The following GMPR variants were observed in gnomAD, a reference collection of about 807,000 sequenced individuals.
GMPR encodes the protein GMP reductase 1.
Under a neutral mutation model 38.4 loss-of-function variants are expected in GMPR, and 31 were observed. The observed-to-expected ratio is 0.81, with a 90% CI of 0.61 to 1.09. The LOEUF is 1.09. Among genes scored for constraint, GMPR ranks in the 50% least tolerant of loss-of-function variants. The pLI, the probability that GMPR is intolerant of heterozygous loss-of-function variation, is 0.00. For missense variants in GMPR, 468 were observed against 453.7 expected (o/e 1.03, Z -0.29); for synonymous variants, 162 against 173.3 (o/e 0.93, Z 0.51).
intron 4 of GMPR, among the ~76,000 whole-genome samples, chr6:16,265,814 C>G (rs530375465): frequency 6.6e-6 from 1 of 152,254 alleles, no homozygotes; most frequent in Non-Finnish European, 1.5e-5. Flanking sequence ...CTCCGGAACC[C>G]TTCCACGCCA....
chr6:16,282,772 A>G (rs72653740), intron 6 of GMPR, among the ~76,000 whole-genome samples: 12,261 of 148,596 alleles, frequency 0.083, 666 homozygotes, highest in East Asian at 0.15. Flanking sequence ...TTGTTTTTTC[A>G]TTGTCAGTAT....
At chr6:16,279,133 C>A (rs1302325054) in intron 6 of GMPR, among the ~76,000 whole-genome samples, 2 of 152,240 alleles carry the variant, frequency 1.3e-5, no homozygotes, top group African/African-American at 2.4e-5. Context: ...GATGTGCAGG[C>A]AGCTTTCAGA....
chr6:16,251,117 A>G (rs180961299), intron 3 of GMPR, among the ~76,000 whole-genome samples: 18 of 152,360 alleles, frequency 1.2e-4, no homozygotes, highest in Admixed American at 6.5e-4. Context: ...TATTCATAAT[A>G]GCCCAAAAGT....
chr6:16,277,905 G>A (rs1429267523), intron 5 of GMPR, among the ~76,000 whole-genome samples: 3 of 152,152 alleles, frequency 2.0e-5, no homozygotes, highest in Admixed American at 2.0e-4. Flanking sequence ...GAGGGGAGCA[G>A]GTGGAGCTTG....
intron 1 of GMPR, among the ~76,000 whole-genome samples, chr6:16,245,703 C>A (rs1165809325): frequency 6.6e-6 from 1 of 152,174 alleles, no homozygotes; most frequent in East Asian, 1.9e-4. Context: ...GATATTAAGG[C>A]ACCCCAGAGA....
At chr6:16,280,135 TGTG>T (rs1368965178) in intron 6 of GMPR, among the ~76,000 whole-genome samples, 1 of 152,086 alleles carries the variant, frequency 6.6e-6, no homozygotes, top group African/African-American at 2.4e-5. Context: ...TCGGGGCTGG[TGTG>T]GTGATCACTA....
Position 16,250,279 on chromosome 6 carries a change from T to C in GMPR, c.208-5T>C. On this transcript the variant is annotated splice_polypyrimidine_tract_variant and splice_region_variant and intron_variant, in intron 2 of 8. Coordinates refer to ENST00000259727, the MANE Select transcript of GMPR (RefSeq NM_006877.4). The stretch of plus-strand genomic sequence containing the variant: ...CCATCCTAATGGTGCTGTTTTGTTT[T>C]CTAGCACTCCATGTTTACAGCAATT... 6.4e-7 allele frequency: 1 copy of C among 1,573,094 alleles called. No homozygotes were observed. The highest frequency in any genetic ancestry group is 1.1e-5 in the South Asian group (1 of 90,280).
At chr6:16,274,339 G>A in intron 4 of GMPR, 76 bp from the exon 5 acceptor site, 1 of 917,304 alleles carries the variant, frequency 1.1e-6, no homozygotes, top group African/African-American at 1.6e-5. Context: ...ACATCCTCGT[G>A]TTCAGGTGTG....
intron 1 of GMPR, among the ~76,000 whole-genome samples, chr6:16,242,626 TTTTTA>T (rs775443166): frequency 1.3e-5 from 2 of 152,098 alleles, no homozygotes; most frequent in Non-Finnish European, 2.9e-5. Context: ...AAATTTCTCC[TTTTTA>T]TTTTATTTTT....
At chr6:16,264,421 A>G in intron 4 of GMPR, 1 of 213,086 alleles carries the variant, frequency 4.7e-6, no homozygotes, top group Non-Finnish European at 9.1e-6. Context: ...CGCAAAGAGC[A>G]GGAGGACAGG....
intron 4 of GMPR, among the ~76,000 whole-genome samples, chr6:16,269,997 C>T (rs1481175536): frequency 6.6e-6 from 1 of 152,204 alleles, no homozygotes; most frequent in Non-Finnish European, 1.5e-5. Flanking sequence ...TTGTTGGGGG[C>T]TCTGCCCCCA....
intron 1 of GMPR, among the ~76,000 whole-genome samples, chr6:16,243,579 C>T (rs1222861454): frequency 2.0e-5 from 3 of 152,202 alleles, no homozygotes; most frequent in African/African-American, 7.2e-5. Context: ...TGTACTCAGA[C>T]AGGTGTTACA....
chr6:16,269,011 CAA>C (rs915030489), intron 4 of GMPR, among the ~76,000 whole-genome samples: 21 of 151,288 alleles, frequency 1.4e-4, no homozygotes, highest in Middle Eastern at 3.2e-3. Flanking sequence ...ATTTAAAAAA[CAA>C]AAATTTTATT....
intron 6 of GMPR, among the ~76,000 whole-genome samples, chr6:16,280,677 C>T (rs1342225670): frequency 2.6e-5 from 4 of 152,148 alleles, no homozygotes; most frequent in Non-Finnish European, 5.9e-5. Context: ...AGTCTGGCTG[C>T]GTGAGGATCA....
At chr6:16,289,789 TAGA>T (rs1759798009) in intron 7 of GMPR, among the ~76,000 whole-genome samples, 1 of 148,260 alleles carries the variant, frequency 6.7e-6, no homozygotes, top group Non-Finnish European at 1.5e-5. Context: ...GGGGGTATCA[TAGA>T]GGAGTCATAG....
rs182393190 is a variant in GMPR at position 16,248,180 on chromosome 6, A to G, written c.207+1219A>G. On this transcript the variant is annotated intron_variant, in intron 2 of 8. Coordinates refer to ENST00000259727, the MANE Select transcript of GMPR (RefSeq NM_006877.4). The stretch of plus-strand genomic sequence containing the variant: ...GGGAGGCGGAGGTTGCAGTGAGCCA[A>G]GATTGCGCCACTGCACTCCAGCCTG... Among the ~76,000 whole-genome samples, 237 of 145,610 alleles carry G rather than the reference A, an allele frequency of 1.6e-3. 3 individuals are homozygous for G. Among genetic ancestry groups the G allele is most frequent in the Admixed American group, 0.014 (192 of 14,134 alleles).
chr6:16,273,954 T>G (rs1180619816), intron 4 of GMPR, among the ~76,000 whole-genome samples: 1 of 151,950 alleles, frequency 6.6e-6, no homozygotes, highest in Non-Finnish European at 1.5e-5. Flanking sequence ...TAACTAGGAC[T>G]ACAGGCATGC....
Position 16,238,684 on chromosome 6 carries a change from C to A in GMPR, c.-10C>A. The A allele has an allele frequency of 1.5e-6, 2 of 1,369,670 alleles. No individual in the cohort carries two copies. The highest frequency in any genetic ancestry group is 1.9e-6 in the Non-Finnish European group (2 of 1,041,796). 84.8% of individuals were successfully genotyped at this position (1,369,670 alleles called of 1,614,324 possible). On this transcript the variant is annotated 5_prime_UTR_variant, in exon 1 of 9. Transcript: ENST00000259727. ...CCGTCGCCGCCGCCGCAGCCAGGAG[C>A]CGCTGCACCATGCCCCGCATAGATG...
chr6:16,265,073 C>A (rs1759165743), intron 4 of GMPR, among the ~76,000 whole-genome samples: 1 of 152,134 alleles, frequency 6.6e-6, no homozygotes, highest in Non-Finnish European at 1.5e-5. Context: ...CGGGTACATT[C>A]TCAGTACTGT....
Sources: gnomAD v4.1 joint callset for allele counts (sites outside exome capture counted in the v4.1 genomes callset) on GRCh38, gnomAD v4.1.1 for gene constraint, MANE v1.5 for transcripts, NCBI Gene and HGNC (gene_info 2026-07-23, HGNC 2026-07-21) for gene names.